Variants in TENM3 observed in about 807,000 individuals in gnomAD.
TENM3 encodes the protein teneurin-3.
A neutral mutation model predicts 255.1 loss-of-function variants in TENM3; 63 were observed. The ratio of observed to expected loss-of-function variants is 0.25; its 90% confidence interval spans 0.20 to 0.30. TENM3 has a LOEUF of 0.30. TENM3 is among the 10% of genes least tolerant of loss of function. The probability of loss-of-function intolerance (pLI) is 1.00; values close to 1 mark genes in which losing one functional copy is unlikely to be tolerated. For missense variants in TENM3, 2,929 were observed against 3,461.1 expected (o/e 0.85, Z 3.86); for synonymous variants, 1,306 against 1,322.3 (o/e 0.99, Z 0.27).
intron 3 of TENM3, among the ~76,000 whole-genome samples, chr4:182,572,237 A>G (rs1251075420): frequency 6.6e-6 from 1 of 152,188 alleles, no homozygotes; most frequent in Non-Finnish European, 1.5e-5. Flanking sequence ...CTTTGTACTG[A>G]TTCTTGAGTA....
At chr4:182,302,387 ACT>A (rs1318376655) in intron 1 of TENM3, among the ~76,000 whole-genome samples, 3 of 151,942 alleles carry the variant, frequency 2.0e-5, no homozygotes, top group Non-Finnish European at 2.9e-5. Flanking sequence ...TTTTTGGGTC[ACT>A]CTTTCAGTCA....
the TENM3 span, among the ~76,000 whole-genome samples, chr4:181,883,207 C>T: frequency 2.9e-5 from 4 of 138,706 alleles, no homozygotes; most frequent in African/African-American, 1.1e-4. Context: ...TTACTCTGAC[C>T]GAATTGTAAA....
the TENM3 span, among the ~76,000 whole-genome samples, chr4:181,957,823 C>T: frequency 2.0e-5 from 3 of 152,180 alleles, no homozygotes; most frequent in Non-Finnish European, 4.4e-5. Flanking sequence ...TGAAGTCAAC[C>T]TTGTGGCTCA....
At chr4:181,944,305 G>A in the TENM3 span, among the ~76,000 whole-genome samples, 1 of 152,198 alleles carries the variant, frequency 6.6e-6, no homozygotes, top group Non-Finnish European at 1.5e-5. Context: ...AGAACCTGGA[G>A]CTCTGATGTC....
chr4:182,383,156 TAAGAA>T (rs1414811176), intron 3 of TENM3, among the ~76,000 whole-genome samples: 1 of 152,064 alleles, frequency 6.6e-6, no homozygotes, highest in Non-Finnish European at 1.5e-5. Context: ...GGAAAATTAC[TAAGAA>T]AAGACATCAG....
At chr4:182,552,263 C>T (rs1283834795) in intron 3 of TENM3, among the ~76,000 whole-genome samples, 2 of 151,982 alleles carry the variant, frequency 1.3e-5, no homozygotes, top group Non-Finnish European at 2.9e-5. Context: ...TAGTAGATGC[C>T]CTCCCCGCCA....
At chr4:182,727,032 C>G (rs1046345272) in intron 13 of TENM3, among the ~76,000 whole-genome samples, 1 of 152,068 alleles carries the variant, frequency 6.6e-6, no homozygotes, top group African/African-American at 2.4e-5. Context: ...AGTGGTCAGA[C>G]CCAGACTTGA....
chr4:182,617,163 A>T (rs1359267336), intron 4 of TENM3, among the ~76,000 whole-genome samples: 2 of 152,220 alleles, frequency 1.3e-5, no homozygotes, highest in East Asian at 3.8e-4. Flanking sequence ...TTTGTTTCAA[A>T]TACATACTGA....
intron 1 of TENM3, among the ~76,000 whole-genome samples, chr4:182,259,918 C>G (rs940497722): frequency 1.3e-5 from 2 of 151,934 alleles, no homozygotes; most frequent in African/African-American, 4.8e-5. Context: ...TTCCCCTCAC[C>G]CCCCTACTCT....
At chr4:182,568,296 G>A (rs1744003328) in intron 3 of TENM3, among the ~76,000 whole-genome samples, 1 of 152,166 alleles carries the variant, frequency 6.6e-6, no homozygotes, top group African/African-American at 2.4e-5. Context: ...TGAGTTGGAA[G>A]GCAAGGATCC....
At chr4:182,284,691 G>A (rs1481748199) in intron 1 of TENM3, among the ~76,000 whole-genome samples, 2 of 152,126 alleles carry the variant, frequency 1.3e-5, no homozygotes, top group Non-Finnish European at 2.9e-5. Flanking sequence ...GGAAAAGCCA[G>A]TAGTTGGGAA....
chr4:181,700,821 C>T, the TENM3 span, among the ~76,000 whole-genome samples: 4 of 152,008 alleles, frequency 2.6e-5, no homozygotes, highest in East Asian at 1.9e-4. Context: ...GAAACTGGGG[C>T]GGAGGAACAT....
At chr4:181,470,404 T>G in the TENM3 span, among the ~76,000 whole-genome samples, 1 of 152,282 alleles carries the variant, frequency 6.6e-6, no homozygotes, top group Non-Finnish European at 1.5e-5. Context: ...TGCTTGATGA[T>G]AAGTTGTTTC....
At chr4:182,171,708 C>T (rs768417219) in intron 1 of TENM3, among the ~76,000 whole-genome samples, 1 of 152,080 alleles carries the variant, frequency 6.6e-6, no homozygotes, top group Non-Finnish European at 1.5e-5. Context: ...TCTCATCATT[C>T]GAGTGCTTGA....
the TENM3 span, among the ~76,000 whole-genome samples, chr4:181,669,063 T>C: frequency 6.6e-6 from 1 of 152,066 alleles, no homozygotes; most frequent in Non-Finnish European, 1.5e-5. Context: ...AGGCTTCCCC[T>C]CAATTTGCAG....
At chr4:181,503,128 C>T in the TENM3 span, among the ~76,000 whole-genome samples, 3 of 152,188 alleles carry the variant, frequency 2.0e-5, no homozygotes, top group Middle Eastern at 3.4e-3. Flanking sequence ...CCTGGGAGAC[C>T]GAGGTGGGAG....
chr4:182,323,968 C>T lies in TENM3; in HGVS notation c.-53C>T, dbSNP rs564156899. The T allele has an allele frequency of 7.1e-5, 107 of 1,517,384 alleles. 1 individual carries two copies. The South Asian group carries it at 1.1e-3, about 15-fold the overall frequency. The allele number at this position is 1,517,384 out of a possible 1,614,324, so 94.0% of individuals were successfully genotyped here. A position where few individuals can be genotyped will look rare whatever the true frequency, so the allele number is the denominator to read the frequency against. ...CAGAGAGGCCAATGAGACTTGAACC[C>T]TGAGCCTAAGTTGTCACCAGCAGGA... On this transcript the variant is annotated 5_prime_UTR_variant, in exon 2 of 28. Coordinates refer to ENST00000511685, the MANE Select transcript of TENM3 (RefSeq NM_001080477.4).
the TENM3 span, among the ~76,000 whole-genome samples, chr4:182,015,695 G>A: frequency 6.6e-6 from 1 of 151,888 alleles, no homozygotes; most frequent in African/African-American, 2.4e-5. Flanking sequence ...TGAGTAGCTG[G>A]GACTACGGGC....
chr4:182,088,246 G>A, the TENM3 span, among the ~76,000 whole-genome samples: 2 of 152,254 alleles, frequency 1.3e-5, no homozygotes, highest in African/African-American at 4.8e-5. Context: ...ACGAAAATAA[G>A]CATAGGGCTT....
Sources: allele counts gnomAD v4.1 joint callset (sites outside exome capture counted in the v4.1 genomes callset), GRCh38; gene constraint gnomAD v4.1.1; transcripts MANE v1.5; gene names NCBI Gene and HGNC (gene_info 2026-07-23, HGNC 2026-07-21).